Variants in CDK6 observed in about 807,000 individuals in gnomAD.
CDK6 encodes cyclin-dependent kinase 6.
CDK6 carries 6 observed loss-of-function variants against 37.1 expected under a neutral mutation model. The observed-to-expected ratio is 0.16, with a 90% confidence interval of 0.09 to 0.32. CDK6 has a LOEUF of 0.32. CDK6 is among the 10% of genes least tolerant of loss of function. The pLI is 1.00. For synonymous variants in CDK6, 160 were observed against 161.3 expected (o/e 0.99, Z 0.06); for missense variants, 224 against 418.9 (o/e 0.53, Z 4.06).
At chr7:92,699,118 GATGT>G (rs1797786896) in intron 4 of CDK6, among the ~76,000 whole-genome samples, 1 of 152,128 alleles carries the variant, frequency 6.6e-6, no homozygotes, top group Non-Finnish European at 1.5e-5. Context: ...GCATGAATTT[GATGT>G]ATGTAAGATG....
chr7:92,624,297 G>C (rs888620848), intron 5 of CDK6, among the ~76,000 whole-genome samples: 2 of 152,132 alleles, frequency 1.3e-5, no homozygotes, highest in African/African-American at 4.8e-5. Context: ...TGTATTTGGA[G>C]ATAGAGCCTT....
intron 2 of CDK6, among the ~76,000 whole-genome samples, chr7:92,818,994 G>A (rs577616756): frequency 5.9e-5 from 9 of 152,172 alleles, no homozygotes; most frequent in Non-Finnish European, 1.2e-4. Context: ...AACCAGTTTG[G>A]AGAAGTTTGA....
chr7:92,652,368 C>A (rs910837482), intron 5 of CDK6, among the ~76,000 whole-genome samples: 2 of 152,182 alleles, frequency 1.3e-5, no homozygotes, highest in Admixed American at 6.5e-5. Context: ...TTATCTCATT[C>A]ATCTCCCTTT....
At chr7:92,672,158 T>TATATATATATATATATATACAC (rs1254710727) in intron 4 of CDK6, among the ~76,000 whole-genome samples, 10 of 102,726 alleles carry the variant, frequency 9.7e-5, no homozygotes, top group Non-Finnish European at 1.8e-4. Flanking sequence ...TATATATATA[T>TATATATATATATATATATACAC]ATACACATAC....
At chr7:92,691,875 T>A (rs1438116898) in intron 4 of CDK6, among the ~76,000 whole-genome samples, 5 of 152,244 alleles carry the variant, frequency 3.3e-5, no homozygotes, top group African/African-American at 1.2e-4. Context: ...TCATTAAATG[T>A]AAGCGTAAAA....
At chr7:92,775,081 G>A (rs960517142) in intron 2 of CDK6, among the ~76,000 whole-genome samples, 1 of 152,328 alleles carries the variant, frequency 6.6e-6, no homozygotes, top group South Asian at 2.1e-4. Context: ...AAAGCAACGC[G>A]CTTGGAGCAC....
chr7:92,698,967 C>G (rs1797780769), intron 4 of CDK6, among the ~76,000 whole-genome samples: 2 of 152,160 alleles, frequency 1.3e-5, no homozygotes, highest in Admixed American at 6.5e-5. Flanking sequence ...ATGAAATAAG[C>G]ATGCTACTAT....
chr7:92,760,802 A>T (rs907501798), intron 3 of CDK6, among the ~76,000 whole-genome samples: 2 of 152,106 alleles, frequency 1.3e-5, no homozygotes, highest in Non-Finnish European at 2.9e-5. Flanking sequence ...TTCTTTAGGC[A>T]ATTATTCTTC....
chr7:92,824,572 G>A (rs2106929), intron 2 of CDK6, among the ~76,000 whole-genome samples: 1 of 151,866 alleles, frequency 6.6e-6, no homozygotes, highest in African/African-American at 2.4e-5. Flanking sequence ...CCAAATGAAA[G>A]ATTATTTTTT....
chr7:92,633,518 G>A (rs1448102067), intron 5 of CDK6, among the ~76,000 whole-genome samples: 2 of 152,036 alleles, frequency 1.3e-5, no homozygotes, highest in Non-Finnish European at 2.9e-5. Context: ...TTCTGCATGG[G>A]CCAAACAAAG....
intron 5 of CDK6, among the ~76,000 whole-genome samples, chr7:92,653,931 G>T (rs973571258): frequency 1.3e-5 from 2 of 152,134 alleles, no homozygotes; most frequent in Admixed American, 1.3e-4. Flanking sequence ...TCTTAGGCCA[G>T]ATTTCTATTC....
At chr7:92,753,188 T>G (rs1239975239) in intron 3 of CDK6, among the ~76,000 whole-genome samples, 1 of 152,070 alleles carries the variant, frequency 6.6e-6, no homozygotes, top group Non-Finnish European at 1.5e-5. Flanking sequence ...AGAAGTGGAT[T>G]TAATCTCAAA....
chr7:92,661,453 A>G (rs1157488423), intron 5 of CDK6, among the ~76,000 whole-genome samples: 2 of 152,200 alleles, frequency 1.3e-5, no homozygotes, highest in African/African-American at 4.8e-5. Context: ...CTAATGGCCG[A>G]GTATTGACTG....
intron 4 of CDK6, among the ~76,000 whole-genome samples, chr7:92,688,257 G>C (rs1317872321): frequency 1.3e-5 from 2 of 152,086 alleles, no homozygotes; most frequent in Admixed American, 1.3e-4. Context: ...GCCAACAGTT[G>C]ATATTCCCAA....
At chr7:92,753,486 T>G (rs1433897131) in intron 3 of CDK6, among the ~76,000 whole-genome samples, 2 of 152,112 alleles carry the variant, frequency 1.3e-5, no homozygotes, top group Non-Finnish European at 2.9e-5. Context: ...CATAAGAAGA[T>G]TATCTTATTT....
intron 2 of CDK6, among the ~76,000 whole-genome samples, chr7:92,778,303 A>C (rs1346780772): frequency 6.6e-6 from 1 of 152,246 alleles, no homozygotes; most frequent in Admixed American, 6.5e-5. Flanking sequence ...TTTTTTCCTC[A>C]CATTTATCTA....
chr7:92,641,316 A>T (rs1453955937), intron 5 of CDK6, among the ~76,000 whole-genome samples: 2 of 152,178 alleles, frequency 1.3e-5, no homozygotes, highest in Non-Finnish European at 2.9e-5. Flanking sequence ...GTCTACTGTA[A>T]GACAAAGCTC....
At chr7:92,812,666 T>C (rs560254709) in intron 2 of CDK6, among the ~76,000 whole-genome samples, 38 of 152,156 alleles carry the variant, frequency 2.5e-4, no homozygotes, top group Non-Finnish European at 4.6e-4. Context: ...CCTCAAGCAA[T>C]CCTCCCACCT....
At chr7:92,683,713 G>GGT (rs1797387292) in intron 4 of CDK6, among the ~76,000 whole-genome samples, 1 of 152,156 alleles carries the variant, frequency 6.6e-6, no homozygotes, top group Admixed American at 6.5e-5. Flanking sequence ...CTGTGGTGGG[G>GGT]GGGGGGTCCC....
Sources: gnomAD v4.1 joint callset for allele counts (sites outside exome capture counted in the v4.1 genomes callset) on GRCh38, gnomAD v4.1.1 for gene constraint, MANE v1.5 for transcripts, NCBI Gene and HGNC (gene_info 2026-07-23, HGNC 2026-07-21) for gene names.